The following OMA1 variants were observed in gnomAD, a reference collection of about 807,000 sequenced individuals.
The protein encoded by OMA1 is metalloendopeptidase OMA1, mitochondrial.
Under a neutral mutation model 30.9 loss-of-function variants are expected in OMA1, and 38 were observed. The ratio of observed to expected loss-of-function variants is 1.23; its 90% confidence interval spans 0.95 to 1.61. OMA1 has a LOEUF of 1.61. Ranked by LOEUF, OMA1 falls within the 40% of genes most tolerant of loss-of-function variation. OMA1 has a pLI of 0.00. For missense variants in OMA1, 461 were observed against 349.2 expected (o/e 1.32, Z -2.55); for synonymous variants, 173 against 121.9 (o/e 1.42, Z -2.76).
intron 8 of OMA1, among the ~76,000 whole-genome samples, chr1:58,490,792 ATTCTTTTTTTT>A (rs1645668666): frequency 2.1e-5 from 2 of 97,250 alleles, no homozygotes; most frequent in African/African-American, 7.3e-5. Context: ...AATAGTCAAC[ATTCTTTTTTTT>A]TTTTTTTTTT....
At chr1:58,493,063 C>G (rs1157839501) in intron 8 of OMA1, among the ~76,000 whole-genome samples, 1 of 152,178 alleles carries the variant, frequency 6.6e-6, no homozygotes, top group East Asian at 1.9e-4. Flanking sequence ...AAAAGCTTAT[C>G]CACCATGATC....
At chr1:58,538,663 G>A in intron 2 of OMA1, 132 bp downstream of exon 2, 1 of 503,808 alleles carries the variant, frequency 2.0e-6, no homozygotes, top group Non-Finnish European at 3.5e-6. Flanking sequence ...GGGAGACAGG[G>A]GATCTGGCAA....
intron 1 of OMA1, among the ~76,000 whole-genome samples, chr1:58,540,926 A>T (rs80279178): frequency 0.018 from 2,809 of 152,254 alleles, 55 homozygotes; most frequent in East Asian, 0.12. Context: ...ACACAAAGGA[A>T]AAAAACTACA....
At chr1:58,531,796 G>A (rs753336192) in intron 5 of OMA1, among the ~76,000 whole-genome samples, 4 of 151,766 alleles carry the variant, frequency 2.6e-5, no homozygotes, top group African/African-American at 4.8e-5. Context: ...TGCAACCTCC[G>A]CCTCCAGGTT....
chr1:58,502,189 A>C lies in OMA1; in HGVS notation c.1365+3871T>G, dbSNP rs556402709. Among the ~76,000 whole-genome samples the C allele has an allele frequency of 2.0e-5, 3 of 152,338 alleles. No homozygotes were observed. The East Asian group carries it at 5.8e-4, about 29-fold the overall frequency. On this transcript the variant is annotated intron_variant, in intron 8 of 8. Coordinates refer to ENST00000371226, the MANE Select transcript of OMA1 (RefSeq NM_145243.5). ...AAGAAATAAAAATATACAATCTTCA[A>C]TAAGCTAAAGTTTAAAAATCAAAAT...
intron 7 of OMA1, among the ~76,000 whole-genome samples, chr1:58,507,331 T>C (rs1414472307): frequency 6.6e-6 from 1 of 151,944 alleles, no homozygotes; most frequent in East Asian, 1.9e-4. Context: ...AGATTTATAA[T>C]AGTGTAATTG....
At chr1:58,493,093 G>A (rs898804199) in intron 8 of OMA1, among the ~76,000 whole-genome samples, 2 of 152,116 alleles carry the variant, frequency 1.3e-5, no homozygotes, top group African/African-American at 4.8e-5. Flanking sequence ...TCATCCCTGG[G>A]ATGCAAGGCT....
intron 7 of OMA1, among the ~76,000 whole-genome samples, chr1:58,522,414 CTCTT>C (rs1339469386): frequency 6.6e-6 from 1 of 152,020 alleles, no homozygotes; most frequent in African/African-American, 2.4e-5. Context: ...GGAAGAGAAA[CTCTT>C]TCATTTGATA....
Position 58,544,435 on chromosome 1 carries a change from C to A in OMA1, c.-17+2268G>T, listed in dbSNP as rs563767192. Among the ~76,000 whole-genome samples, 6 of 152,206 alleles carry A rather than the reference C, an allele frequency of 3.9e-5. No homozygotes were observed. The South Asian group carries it at 1.2e-3, about 32-fold the overall frequency. ...ACAAAAATAAATCTGAAAAAAGATA[C>A]ACCAAACTATTCACAATTATTTTGA... On this transcript the variant is annotated intron_variant, in intron 1 of 8. Transcript: ENST00000371226.
chr1:58,498,424 C>T (rs1455944887), intron 8 of OMA1, among the ~76,000 whole-genome samples: 1 of 152,092 alleles, frequency 6.6e-6, no homozygotes, highest in Non-Finnish European at 1.5e-5. Context: ...ATTTCCAACT[C>T]TCTCCCTTAA....
intron 3 of OMA1, among the ~76,000 whole-genome samples, chr1:58,534,985 C>G (rs1646494193): frequency 6.6e-6 from 1 of 152,082 alleles, no homozygotes; most frequent in Admixed American, 6.6e-5. Context: ...AAGATTTCAT[C>G]TAAGTAAAAT....
At chr1:58,537,046 T>C (rs1646529349) in intron 2 of OMA1, among the ~76,000 whole-genome samples, 1 of 151,470 alleles carries the variant, frequency 6.6e-6, no homozygotes, top group East Asian at 2.0e-4. Flanking sequence ...TTTATTACTA[T>C]CTAGTACATG....
intron 8 of OMA1, among the ~76,000 whole-genome samples, chr1:58,485,847 A>G (rs1241428024): frequency 6.6e-6 from 1 of 152,236 alleles, no homozygotes; most frequent in African/African-American, 2.4e-5. Context: ...ACAAACATTT[A>G]TAGAACACCA....
At position 58,492,728 on chromosome 1, in the gene OMA1, T is replaced by C. The variant is rs531190636; in HGVS notation, c.1366-11554A>G. ...AAGACTAAACCAGGAAGAAGTTGAA[T>C]CTCTGAAGAGACCAATAACAGGATC... On this transcript the variant is annotated intron_variant, in intron 8 of 8. Transcript: ENST00000371226. 3.9e-5 allele frequency among the ~76,000 whole-genome samples: 6 copies of C among 152,248 alleles called. No individual in the cohort carries two copies. In the East Asian group the frequency reaches 5.8e-4, roughly 15 times the overall value.
intron 8 of OMA1, among the ~76,000 whole-genome samples, chr1:58,494,501 A>C (rs1336726348): frequency 6.6e-6 from 1 of 152,188 alleles, no homozygotes; most frequent in Non-Finnish European, 1.5e-5. Context: ...ATGGGAGAAA[A>C]TTTTTGCAAT....
intron 7 of OMA1, among the ~76,000 whole-genome samples, chr1:58,518,764 C>T (rs1284814165): frequency 6.6e-6 from 1 of 151,914 alleles, no homozygotes; most frequent in African/African-American, 2.4e-5. Context: ...ATTGAACATA[C>T]TGGGTTTGAG....
At chr1:58,535,800 G>GT (rs1240283102) in intron 3 of OMA1, among the ~76,000 whole-genome samples, 2 of 152,050 alleles carry the variant, frequency 1.3e-5, no homozygotes, top group Non-Finnish European at 2.9e-5. Context: ...TTCCAAAGAG[G>GT]TAAGACTTCT....
intron 8 of OMA1, among the ~76,000 whole-genome samples, chr1:58,499,443 C>A (rs1384093410): frequency 2.0e-5 from 3 of 146,456 alleles, no homozygotes. Flanking sequence ...TATGATTCCA[C>A]CACTGCACTC....
intron 8 of OMA1, among the ~76,000 whole-genome samples, chr1:58,492,590 A>G (rs554751342): frequency 3.1e-4 from 47 of 152,336 alleles, no homozygotes; most frequent in African/African-American, 1.1e-3. Context: ...GGATATCACC[A>G]CCGATCCCAC....
Sources: gnomAD v4.1 joint callset for allele counts (sites outside exome capture counted in the v4.1 genomes callset) on GRCh38, gnomAD v4.1.1 for gene constraint, MANE v1.5 for transcripts, NCBI Gene and HGNC (gene_info 2026-07-23, HGNC 2026-07-21) for gene names.